Variants in PLA2G4E observed in about 807,000 individuals in gnomAD.
The protein encoded by PLA2G4E is phospholipase A2 group IVE, also known as cytosolic phospholipase A2 epsilon.
In PLA2G4E, 84 loss-of-function variants were observed where a neutral mutation model predicts 109.1. That is an observed-to-expected ratio of 0.77 (90% CI 0.65 to 0.92). PLA2G4E has a LOEUF of 0.92. Among genes scored for constraint, PLA2G4E ranks in the 40% least tolerant of loss-of-function variants. The probability of loss-of-function intolerance (pLI) is 0.00; values close to 1 mark genes in which losing one functional copy is unlikely to be tolerated. For missense variants in PLA2G4E, 1,057 were observed against 1,076.6 expected, an observed-to-expected ratio of 0.98 and a Z score of 0.25; for synonymous variants, 469 against 436.1, an observed-to-expected ratio of 1.08 and a Z score of -0.94.
intron 1 of PLA2G4E, among the ~76,000 whole-genome samples, chr15:42,048,457 TATTAAA>T (rs1319805380): frequency 6.6e-6 from 1 of 152,202 alleles, no homozygotes; most frequent in African/African-American, 2.4e-5. Context: ...AAAATTAAAA[TATTAAA>T]ATTAAATACA....
At chr15:42,034,588 C>T (rs926667267) in intron 1 of PLA2G4E, among the ~76,000 whole-genome samples, 9 of 152,210 alleles carry the variant, frequency 5.9e-5, no homozygotes, top group African/African-American at 2.2e-4. Flanking sequence ...TCATTCTCAT[C>T]CTCTTAGACT....
chr15:41,984,510 G>A (rs1252935844), exon 19 of PLA2G4E: 9 of 1,613,816 alleles, frequency 5.6e-6, no homozygotes, highest in Non-Finnish European at 7.6e-6. Context: ...GGGTTCCTGG[G>A]GGTTCTCCAT....
In PLA2G4E at chr15:42,005,972, C is replaced by T. The variant is rs931300948; in HGVS notation, c.525+18G>A. The stretch of plus-strand genomic sequence containing the variant: ...TTATCATGAAGCCGGAGTCTGAGGG[C>T]CTGTACCCTGCACCCACCTGCGGGT... On this transcript the variant is annotated intron_variant, in intron 4 of 19. Transcript: ENST00000399518. 9 of 1,612,980 alleles carry T rather than the reference C, an allele frequency of 5.6e-6. No individual in the cohort carries two copies. The Admixed American group carries it at 1.5e-4, about 27-fold the overall frequency.
At chr15:42,028,538 C>A (rs1319211866) in intron 1 of PLA2G4E, among the ~76,000 whole-genome samples, 6 of 152,108 alleles carry the variant, frequency 3.9e-5, no homozygotes, top group African/African-American at 1.4e-4. Flanking sequence ...TTCTGAGTAG[C>A]TGGGATTACA....
At chr15:42,036,340 G>A (rs1043085090) in intron 1 of PLA2G4E, among the ~76,000 whole-genome samples, 4 of 152,190 alleles carry the variant, frequency 2.6e-5, no homozygotes, top group Admixed American at 6.5e-5. Context: ...GTGGAACTGG[G>A]CCCAGAGCGG....
chr15:42,028,616 A>G lies in PLA2G4E; in HGVS notation c.184-14859T>C, dbSNP rs113596799. On this transcript the variant is annotated intron_variant, in intron 1 of 19. Transcript: ENST00000399518. ...GAGAAGGAGTTTCACCATGTGGGCC[A>G]GGCTGGTGTCAAACTCCTGACCTCA... Among the ~76,000 whole-genome samples, 630 of 152,188 alleles carry G rather than the reference A, an allele frequency of 4.1e-3. 4 individuals are homozygous for G. The highest frequency in any genetic ancestry group is 0.014 in the African/African-American group (599 of 41,506).
intron 1 of PLA2G4E, among the ~76,000 whole-genome samples, chr15:42,040,793 G>A (rs1390207157): frequency 6.6e-6 from 1 of 152,198 alleles, no homozygotes; most frequent in Non-Finnish European, 1.5e-5. Context: ...TTTAAAAATA[G>A]TATTGTTGCC....
At chr15:42,032,966 AGT>A (rs965820524) in intron 1 of PLA2G4E, among the ~76,000 whole-genome samples, 1 of 151,816 alleles carries the variant, frequency 6.6e-6, no homozygotes, top group Non-Finnish European at 1.5e-5. Flanking sequence ...TGTGTGTGTG[AGT>A]GTGTGAGAAG....
chr15:41,984,357 C>T, intron 19 of PLA2G4E, 79 bp downstream of exon 19: 1 of 1,440,924 alleles, frequency 6.9e-7, no homozygotes, highest in South Asian at 1.3e-5. Flanking sequence ...CGTTAGTGCC[C>T]TTAGAGACTC....
chr15:42,028,365 T>A (rs1566848664), intron 1 of PLA2G4E, among the ~76,000 whole-genome samples: 1 of 151,092 alleles, frequency 6.6e-6, no homozygotes, highest in African/African-American at 2.4e-5. Flanking sequence ...ACTGCGTTTT[T>A]ATTTTATTTA....
At chr15:42,046,933 C>T (rs1386083989) in intron 1 of PLA2G4E, among the ~76,000 whole-genome samples, 1 of 152,086 alleles carries the variant, frequency 6.6e-6, no homozygotes, top group African/African-American at 2.4e-5. Context: ...TGACAATATG[C>T]TACTCAGTAA....
intron 17 of PLA2G4E, among the ~76,000 whole-genome samples, chr15:41,986,691 C>T (rs527962020): frequency 6.6e-6 from 1 of 151,944 alleles, no homozygotes; most frequent in Non-Finnish European, 1.5e-5. Flanking sequence ...TAATTAAAAA[C>T]AATTTTTTTT....
intron 1 of PLA2G4E, among the ~76,000 whole-genome samples, chr15:42,018,406 G>T (rs1044757756): frequency 6.6e-6 from 1 of 152,164 alleles, no homozygotes; most frequent in East Asian, 1.9e-4. Context: ...CTGGGATTGG[G>T]TATCAGGGTG....
At chr15:42,040,361 G>A (rs1441430963) in intron 1 of PLA2G4E, among the ~76,000 whole-genome samples, 2 of 151,422 alleles carry the variant, frequency 1.3e-5, no homozygotes, top group African/African-American at 2.4e-5. Flanking sequence ...GAAAAAATAA[G>A]TTTTCTGAAA....
rs959645227 is a variant in PLA2G4E, at chr15:42,045,917, A to C, written c.183+4604T>G. On this transcript the variant is annotated intron_variant, in intron 1 of 19. Transcript: ENST00000399518. ...TGTGAATCTCAAGTTTAAAATGCCA[A>C]AGACAGAGGCACCCAGACCGCTCCA... 3.3e-5 allele frequency among the ~76,000 whole-genome samples: 5 copies of C among 151,762 alleles called. No individual in the cohort carries two copies. The East Asian group carries it at 5.8e-4, about 18-fold the overall frequency.
At chr15:42,034,441 T>C (rs1017939070) in intron 1 of PLA2G4E, among the ~76,000 whole-genome samples, 1 of 152,210 alleles carries the variant, frequency 6.6e-6, no homozygotes, top group African/African-American at 2.4e-5. Context: ...GATGCTGGTA[T>C]AGTGGACACA....
intron 1 of PLA2G4E, among the ~76,000 whole-genome samples, chr15:42,047,984 C>T (rs370868586): frequency 6.6e-6 from 1 of 152,168 alleles, no homozygotes; most frequent in Non-Finnish European, 1.5e-5. Context: ...ACCCCCCTCC[C>T]GGGCATAGAT....
At chr15:42,018,215 G>A (rs1213084802) in intron 1 of PLA2G4E, among the ~76,000 whole-genome samples, 1 of 152,202 alleles carries the variant, frequency 6.6e-6, no homozygotes, top group South Asian at 2.1e-4. Context: ...TTCATGGCCT[G>A]GAGGTAATTA....
chr15:41,989,538 A>G, exon 15 of PLA2G4E: 2 of 1,613,552 alleles, frequency 1.2e-6, no homozygotes, highest in South Asian at 1.1e-5. Flanking sequence ...TCGTAGGGGG[A>G]GAACTCGAAC....
Sources: gnomAD v4.1 joint callset for allele counts (sites outside exome capture counted in the v4.1 genomes callset) on GRCh38, gnomAD v4.1.1 for gene constraint, MANE v1.5 for transcripts, NCBI Gene and HGNC (gene_info 2026-07-23, HGNC 2026-07-21) for gene names.